The following ANAPC4 variants were observed in gnomAD, a reference collection of about 807,000 sequenced individuals.
ANAPC4 encodes the protein anaphase-promoting complex subunit 4.
In ANAPC4, 63 loss-of-function variants were observed where a neutral mutation model predicts 119.8. That is an observed-to-expected ratio of 0.53 (90% CI 0.43 to 0.65). The LOEUF is 0.65. ANAPC4 is among the 30% of genes least tolerant of loss of function. The probability of loss-of-function intolerance (pLI) is 0.00; values close to 1 mark genes in which losing one functional copy is unlikely to be tolerated. For missense variants in ANAPC4, 716 were observed against 945.1 expected, an observed-to-expected ratio of 0.76 and a Z score of 3.18; for synonymous variants, 283 against 318.6, an observed-to-expected ratio of 0.89 and a Z score of 1.19.
At chr4:25,407,788 G>A (rs1366208484) in intron 20 of ANAPC4, among the ~76,000 whole-genome samples, 1 of 152,022 alleles carries the variant, frequency 6.6e-6, no homozygotes, top group Non-Finnish European at 1.5e-5. Context: ...CCAGCTACTC[G>A]AGAGGCTGAG....
rs555248363 is a variant in ANAPC4 at position 25,385,248 on chromosome 4, A to G, written c.368+1855A>G. 6.6e-5 allele frequency among the ~76,000 whole-genome samples: 10 copies of G among 152,234 alleles called. No individual in the cohort carries two copies. The South Asian group carries it at 1.7e-3, about 25-fold the overall frequency. On this transcript the variant is annotated intron_variant, in intron 4 of 28. Transcript: ENST00000315368. ...AGCTATGAAAGTCCTAGGTGGTGCT[A>G]TATTTCACTGGCTTTAAAATACATA...
At chr4:25,393,634 C>T (rs1198243865) in intron 10 of ANAPC4, among the ~76,000 whole-genome samples, 171 bp from the exon 11 acceptor site, 6 of 152,106 alleles carry the variant, frequency 3.9e-5, no homozygotes, top group Admixed American at 3.3e-4. Context: ...TGCACTCCAG[C>T]CTGGACGACA....
intron 4 of ANAPC4, among the ~76,000 whole-genome samples, chr4:25,386,664 A>G (rs945504991): frequency 1.3e-5 from 2 of 152,248 alleles, no homozygotes; most frequent in African/African-American, 4.8e-5. Context: ...ACACAGAAGT[A>G]CAACGTGAGC....
At chr4:25,391,101 G>T in intron 9 of ANAPC4, 86 bp downstream of exon 9, 206 of 984,556 alleles carry the variant, frequency 2.1e-4, no homozygotes, top group East Asian at 4.4e-4. Flanking sequence ...TCACTGTATT[G>T]TAATGATCAT....
chr4:25,381,808 C>G (rs753713084), intron 3 of ANAPC4, among the ~76,000 whole-genome samples: 1 of 152,000 alleles, frequency 6.6e-6, no homozygotes, highest in East Asian at 1.9e-4. Context: ...ATTAGCCAGG[C>G]GTGGTGGTGG....
intron 22 of ANAPC4, chr4:25,414,119 G>T: frequency 2.0e-6 from 1 of 489,746 alleles, no homozygotes; most frequent in Admixed American, 3.9e-5. Context: ...AACCTGCCAT[G>T]TGCTTAGCAC....
At chr4:25,382,734 C>T (rs1283666812) in intron 3 of ANAPC4, among the ~76,000 whole-genome samples, 1 of 152,106 alleles carries the variant, frequency 6.6e-6, no homozygotes, top group Non-Finnish European at 1.5e-5. Flanking sequence ...TCTTAAATTG[C>T]ACGTTAGGAA....
At chr4:25,417,469 T>C in intron 27 of ANAPC4, 147 bp from the exon 28 acceptor site, 1 of 832,120 alleles carries the variant, frequency 1.2e-6, no homozygotes, top group Non-Finnish European at 1.7e-6. Context: ...ACAGCTTTTT[T>C]TCTAACACAA....
chr4:25,418,058 TA>T, intron 28 of ANAPC4, 96 bp from the exon 29 acceptor site: 1 of 1,197,104 alleles, frequency 8.4e-7, no homozygotes, highest in Non-Finnish European at 1.2e-6. Flanking sequence ...ATAACTTTCC[TA>T]TAAAACCATT....
chr4:25,396,450 A>C (rs1256423685), intron 14 of ANAPC4, among the ~76,000 whole-genome samples: 1 of 152,178 alleles, frequency 6.6e-6, no homozygotes, highest in African/African-American at 2.4e-5. Context: ...TCATCTTACA[A>C]AATTTGATCT....
rs1027235374 is a variant in ANAPC4 at position 25,396,979 on chromosome 4, T to C, written c.1214+80T>C. On this transcript the variant is annotated intron_variant, in intron 16 of 28. Coordinates refer to ENST00000315368, the MANE Select transcript of ANAPC4 (RefSeq NM_013367.3). Reference sequence around the variant, plus strand: ...TAAATAAGAACCTAGTAAGCTGTTATGATTCTCTTAAAATCAGTTTTTAAA... The same window carrying C: ...TAAATAAGAACCTAGTAAGCTGTTACGATTCTCTTAAAATCAGTTTTTAAA... 3.4e-5 allele frequency: 47 copies of C among 1,378,236 alleles called. No individual in the cohort carries two copies. In the African/African-American group the frequency reaches 5.0e-4, roughly 15 times the overall value. 85.4% of individuals were successfully genotyped at this position (1,378,236 alleles called of 1,614,324 possible).
rs75213382 is a variant in ANAPC4, at chr4:25,411,187, C to T, written c.1525+1396C>T. The stretch of plus-strand genomic sequence containing the variant: ...GGAGGGAGGATAAAGGTACAGGAGA[C>T]GCTACTTATTTACTGTATTTAATCA... On this transcript the variant is annotated intron_variant, in intron 21 of 28. Coordinates refer to ENST00000315368, the MANE Select transcript of ANAPC4 (RefSeq NM_013367.3). Among the ~76,000 whole-genome samples, 1,045 of 152,166 alleles carry T rather than the reference C, an allele frequency of 6.9e-3. 33 individuals carry two copies. In the East Asian group the frequency reaches 0.11, roughly 15 times the overall value.
Position 25,405,224 on chromosome 4 carries a change from T to C in ANAPC4, c.1271-349T>C, listed in dbSNP as rs1361179290. On this transcript the variant is annotated intron_variant, in intron 17 of 28. Coordinates refer to ENST00000315368, the MANE Select transcript of ANAPC4 (RefSeq NM_013367.3). The surrounding 1 kb of genome is among the most constrained non-coding windows in gnomAD (Gnocchi z 4.6). ...ATAAGGCTTTGGAGGAAAAAATGGC[T>C]TGCAGATTTTAAGAGCAGAAACATC... Among the ~76,000 whole-genome samples, 1 of 151,830 alleles carries C rather than the reference T, an allele frequency of 6.6e-6. No individual in the cohort carries two copies. Among genetic ancestry groups the C allele is most frequent in the African/African-American group, 2.4e-5 (1 of 41,330 alleles).
chr4:25,379,821 G>A (rs967190288), intron 2 of ANAPC4, among the ~76,000 whole-genome samples: 20 of 152,156 alleles, frequency 1.3e-4, no homozygotes, highest in African/African-American at 4.8e-4. Context: ...AGGAGCATGT[G>A]CAGTGGTGAG....
intron 16 of ANAPC4, among the ~76,000 whole-genome samples, chr4:25,397,940 A>G (rs1228863706): frequency 6.6e-6 from 1 of 151,586 alleles, no homozygotes; most frequent in East Asian, 1.9e-4. Flanking sequence ...ATTATTATTT[A>G]TTTATTTTTG....
rs1002459847 is a variant in ANAPC4, at chr4:25,403,147, A to G, written c.1270+121A>G. ...AATACTTTGAGAGAACTATATAATG[A>G]TCCCTGTTGTACCTTTCACCTAGCT... On this transcript the variant is annotated intron_variant, in intron 17 of 28. Coordinates refer to ENST00000315368, the MANE Select transcript of ANAPC4 (RefSeq NM_013367.3). The G allele has an allele frequency of 3.1e-5, 23 of 745,970 alleles. No individual in the cohort carries two copies. The East Asian group carries it at 6.5e-4, about 21-fold the overall frequency. The allele number at this position is 745,970 out of a possible 1,614,324, so 46.2% of individuals were successfully genotyped here.
chr4:25,411,781 T>C (rs1280681730), intron 21 of ANAPC4, among the ~76,000 whole-genome samples: 1 of 152,226 alleles, frequency 6.6e-6, no homozygotes, highest in Non-Finnish European at 1.5e-5. Context: ...AGAAGCAGTC[T>C]GTAGGTTAGT....
intron 20 of ANAPC4, among the ~76,000 whole-genome samples, chr4:25,408,724 C>T (rs895469523): frequency 7.9e-5 from 12 of 151,908 alleles, no homozygotes; most frequent in Middle Eastern, 3.4e-3. Flanking sequence ...GTCTTGAGCT[C>T]CTGGGCTCAA....
chr4:25,407,181 GTTTA>G lies in ANAPC4; in HGVS notation c.1375-12_1375-9del. 6.3e-7 allele frequency: 1 copy of G among 1,585,448 alleles called. No individual in the cohort carries two copies. The highest frequency in any genetic ancestry group is 8.6e-7 in the Non-Finnish European group (1 of 1,166,080). On this transcript the variant is annotated splice_polypyrimidine_tract_variant and intron_variant, in intron 19 of 28. Coordinates refer to ENST00000315368, the MANE Select transcript of ANAPC4 (RefSeq NM_013367.3). Reference sequence around the variant, plus strand: ...TGAGTTGACTTAAGAATTAAACTATGTTTATTTTTTTCCAGGCTCCAGACCTTTA... The same window carrying G: ...TGAGTTGACTTAAGAATTAAACTATGTTTTTTTCCAGGCTCCAGACCTTTA...
Sources: allele counts gnomAD v4.1 joint callset (sites outside exome capture counted in the v4.1 genomes callset), GRCh38; gene constraint gnomAD v4.1.1; non-coding constraint Gnocchi (gnomAD v3.1); transcripts MANE v1.5; gene names NCBI Gene and HGNC (gene_info 2026-07-23, HGNC 2026-07-21).